The following PCDH15 variants were observed in gnomAD, a reference collection of about 807,000 sequenced individuals.
The protein encoded by PCDH15 is protocadherin-15.
In PCDH15, 129 loss-of-function variants were observed where a neutral mutation model predicts 178.5. That is an observed-to-expected ratio of 0.72 (90% CI 0.63 to 0.84). The LOEUF (loss-of-function observed/expected upper bound fraction) is 0.84, where lower values mean the gene tolerates loss of function less well. PCDH15 is among the 40% of genes least tolerant of loss of function. PCDH15 has a pLI of 0.00. For synonymous variants in PCDH15, 800 were observed against 732.0 expected, an observed-to-expected ratio of 1.09 and a Z score of -1.50; for missense variants, 2,230 against 2,099.9, an observed-to-expected ratio of 1.06 and a Z score of -1.21.
At chr10:54,362,064 T>C (rs1367298912) in intron 5 of PCDH15, among the ~76,000 whole-genome samples, 1 of 152,122 alleles carries the variant, frequency 6.6e-6, no homozygotes, top group Non-Finnish European at 1.5e-5. Flanking sequence ...CAGCTATCTA[T>C]AAGTACTAAG....
At chr10:54,055,398 G>A (rs1259234859) in intron 18 of PCDH15, among the ~76,000 whole-genome samples, 1 of 152,120 alleles carries the variant, frequency 6.6e-6, no homozygotes, top group Non-Finnish European at 1.5e-5. Flanking sequence ...GAAGTTTACT[G>A]GGAATCAGCT....
At chr10:55,326,158 T>C (rs1844025868) in intron 2 of PCDH15, among the ~76,000 whole-genome samples, 1 of 152,160 alleles carries the variant, frequency 6.6e-6, no homozygotes, top group Non-Finnish European at 1.5e-5. Flanking sequence ...ATTCAGCCTT[T>C]ACAGAAATCA....
chr10:54,475,067 A>G (rs1011469656), intron 3 of PCDH15, among the ~76,000 whole-genome samples: 2 of 151,894 alleles, frequency 1.3e-5, no homozygotes, highest in Non-Finnish European at 1.5e-5. Flanking sequence ...TAGACTTTTA[A>G]TTGGGCTACT....
rs186895709 is a variant in PCDH15 at position 54,373,320 on chromosome 10, C to T, written c.319-4045G>A. The stretch of plus-strand genomic sequence containing the variant: ...GATATTTCTGTCTATGGACTTACCA[C>T]CTTTATAACATAATCATTCCTATTT... On this transcript the variant is annotated intron_variant, in intron 4 of 37. Transcript: ENST00000644397. Among the ~76,000 whole-genome samples, 5 of 151,782 alleles carry T rather than the reference C, an allele frequency of 3.3e-5. No homozygotes were observed. In the East Asian group the frequency reaches 9.7e-4, roughly 30 times the overall value.
At chr10:54,192,890 C>T (rs1442063581) in intron 11 of PCDH15, among the ~76,000 whole-genome samples, 1 of 152,076 alleles carries the variant, frequency 6.6e-6, no homozygotes, top group Non-Finnish European at 1.5e-5. Context: ...CCTTTCCTAC[C>T]AGTCCCAACT....
At chr10:53,930,363 C>T (rs2084940327) in intron 25 of PCDH15, among the ~76,000 whole-genome samples, 1 of 135,306 alleles carries the variant, frequency 7.4e-6, no homozygotes, top group Admixed American at 8.8e-5. Context: ...GAGGCTGAGG[C>T]AGGAGAATGG....
intron 2 of PCDH15, among the ~76,000 whole-genome samples, chr10:54,587,439 A>G (rs910242601): frequency 1.3e-5 from 2 of 152,156 alleles, no homozygotes; most frequent in African/African-American, 2.4e-5. Context: ...CTTAGTGCAG[A>G]GGAGCTTATT....
intron 8 of PCDH15, among the ~76,000 whole-genome samples, chr10:54,276,634 T>C (rs1303902955): frequency 1.3e-5 from 2 of 149,828 alleles, no homozygotes; most frequent in Non-Finnish European, 3.0e-5. Flanking sequence ...TATAATAAAA[T>C]CTATATAAGA....
intron 2 of PCDH15, among the ~76,000 whole-genome samples, chr10:54,937,863 A>G (rs1460826597): frequency 1.3e-5 from 2 of 152,052 alleles, no homozygotes; most frequent in Admixed American, 6.5e-5. Context: ...TACCTTGTCT[A>G]GAACTTTGAG....
At chr10:54,301,431 TA>T (rs1341552374) in intron 8 of PCDH15, among the ~76,000 whole-genome samples, 4 of 152,224 alleles carry the variant, frequency 2.6e-5, no homozygotes, top group South Asian at 2.1e-4. Flanking sequence ...TCCATTGTAC[TA>T]AGTTTGTTTT....
At chr10:53,906,339 T>A (rs1474955448) in intron 25 of PCDH15, among the ~76,000 whole-genome samples, 2 of 152,126 alleles carry the variant, frequency 1.3e-5, no homozygotes, top group Non-Finnish European at 2.9e-5. Context: ...TAAAAATGTT[T>A]CTTTCTATAA....
intron 2 of PCDH15, among the ~76,000 whole-genome samples, chr10:55,075,707 T>C (rs923979058): frequency 6.7e-6 from 1 of 149,526 alleles, no homozygotes; most frequent in Non-Finnish European, 1.5e-5. Context: ...ACTCCTCCTT[T>C]GTATTTTTTT....
intron 1 of PCDH15, among the ~76,000 whole-genome samples, chr10:54,769,373 A>G (rs1170590407): frequency 1.3e-5 from 2 of 150,698 alleles, no homozygotes; most frequent in East Asian, 2.0e-4. Flanking sequence ...TCAAGCATAC[A>G]TAATTAAATT....
chr10:54,084,664 C>G (rs2094490132), intron 16 of PCDH15, among the ~76,000 whole-genome samples: 1 of 152,038 alleles, frequency 6.6e-6, no homozygotes, highest in Non-Finnish European at 1.5e-5. Context: ...ACAAAACAAG[C>G]TACCGAATTT....
rs191682619 is a variant in PCDH15, at chr10:53,928,073, G to A, written c.3373+10742C>T. The stretch of plus-strand genomic sequence containing the variant: ...AAGTGAAAAGAATGCAATGAATATA[G>A]AAATTCAGAAAAGCAGTTACATAGG... On this transcript the variant is annotated intron_variant, in intron 25 of 37. Transcript: ENST00000644397. Among the ~76,000 whole-genome samples the A allele has an allele frequency of 5.0e-3, 763 of 152,124 alleles. 9 individuals carry two copies. The highest frequency in any genetic ancestry group is 6.8e-3 in the Middle Eastern group (2 of 294).
In PCDH15 at chr10:54,650,757, C is replaced by T. The variant is rs530230265; in HGVS notation, c.91+13415G>A. ...AATGACTACCAAGCAAAAGGGGTTT[C>T]CCCTTACAAAACCATCAGATCTCAT... is the stretch of plus-strand genomic sequence containing the variant. On this transcript the variant is annotated intron_variant, in intron 2 of 37. Coordinates refer to ENST00000644397, the MANE Select transcript of PCDH15 (RefSeq NM_001384140.1). Among the ~76,000 whole-genome samples the T allele has an allele frequency of 1.4e-4, 21 of 147,252 alleles. 1 individual carries two copies. Among genetic ancestry groups the T allele is most frequent in the South Asian group, 1.2e-3 (6 of 4,816 alleles).
intron 2 of PCDH15, among the ~76,000 whole-genome samples, chr10:55,340,105 A>G (rs1363205862): frequency 6.6e-6 from 1 of 151,578 alleles, no homozygotes; most frequent in Non-Finnish European, 1.5e-5. Flanking sequence ...AATAGAAAAA[A>G]GTATAGATTC....
In PCDH15 at chr10:55,541,445, T is replaced by G. The variant is rs192701257; in HGVS notation, c.-156+86180A>C. Reference sequence around the variant, plus strand: ...AAAAATTAAGGAAGAAAAATAGATTTAGGAATACTAAGCATTCACTAAGAT... The same window carrying G: ...AAAAATTAAGGAAGAAAAATAGATTGAGGAATACTAAGCATTCACTAAGAT... On this transcript the variant is annotated intron_variant, in intron 2 of 5. Coordinates refer to the PCDH15 transcript ENST00000613346. Among the ~76,000 whole-genome samples the G allele has an allele frequency of 3.9e-4, 59 of 152,086 alleles. 1 individual carries two copies. The highest frequency in any genetic ancestry group is 1.4e-3 in the African/African-American group (58 of 41,546).
At chr10:53,911,157 CA>C (rs1188535062) in intron 25 of PCDH15, among the ~76,000 whole-genome samples, 3 of 151,982 alleles carry the variant, frequency 2.0e-5, no homozygotes, top group African/African-American at 7.2e-5. Flanking sequence ...TCAGGAAAAA[CA>C]GAGAACACCA....
Sources: gnomAD v4.1 joint callset for allele counts (sites outside exome capture counted in the v4.1 genomes callset) on GRCh38, gnomAD v4.1.1 for gene constraint, MANE v1.5 for transcripts, NCBI Gene and HGNC (gene_info 2026-07-23, HGNC 2026-07-21) for gene names.